Variants in FHIT observed in about 807,000 individuals in gnomAD.
FHIT encodes the protein bis(5'-adenosyl)-triphosphatase.
FHIT carries 19 observed loss-of-function variants against 17.9 expected under a neutral mutation model. The observed-to-expected ratio is 1.06, with a 90% confidence interval of 0.74 to 1.56. The LOEUF is 1.56. FHIT is among the 40% of genes most tolerant of loss of function. FHIT has a pLI of 0.00. For synonymous variants in FHIT, 81 were observed against 69.7 expected (o/e 1.16, Z -0.81); for missense variants, 248 against 189.2 (o/e 1.31, Z -1.82).
chr3:60,548,967 A>C (rs749854497), intron 4 of FHIT, among the ~76,000 whole-genome samples: 7 of 152,200 alleles, frequency 4.6e-5, no homozygotes, highest in Non-Finnish European at 8.8e-5. Flanking sequence ...AACTCAGGCA[A>C]GTTCCTTAGC....
chr3:60,129,052 T>G (rs201222910), intron 5 of FHIT, among the ~76,000 whole-genome samples: 14 of 128,088 alleles, frequency 1.1e-4, no homozygotes, highest in Admixed American at 2.3e-4. Context: ...CTTTTTTGTT[T>G]GTTTTTTTTT....
chr3:59,903,676 C>T (rs975982247), intron 8 of FHIT, among the ~76,000 whole-genome samples: 21 of 152,074 alleles, frequency 1.4e-4, no homozygotes, highest in South Asian at 8.3e-4. Context: ...GAAAAGCCCT[C>T]GAGAAGTTTA....
chr3:60,785,785 T>A (rs1700545056), intron 4 of FHIT, among the ~76,000 whole-genome samples: 1 of 152,074 alleles, frequency 6.6e-6, no homozygotes, highest in African/African-American at 2.4e-5. Context: ...ATATTCTTAG[T>A]AAGAAGATGG....
chr3:60,718,875 C>T lies in FHIT; in HGVS notation c.-18+103044G>A, dbSNP rs144489638. ...TTACACCTCTCCAAGAAGAAAAAAG[C>T]ATGCAGCATTTTTCAAACTTTTGAT... On this transcript the variant is annotated intron_variant, in intron 4 of 9. Transcript: ENST00000492590. Among the ~76,000 whole-genome samples, 64 of 152,314 alleles carry T rather than the reference C, an allele frequency of 4.2e-4. No individual in the cohort carries two copies. The East Asian group carries it at 8.9e-3, about 21-fold the overall frequency.
In FHIT at chr3:60,461,150, A is replaced by G. The variant is rs190610883; in HGVS notation, c.103+75710T>C. Among the ~76,000 whole-genome samples, 67 of 152,318 alleles carry G rather than the reference A, an allele frequency of 4.4e-4. 1 individual carries two copies. In the East Asian group the frequency reaches 9.6e-3, roughly 22 times the overall value. ...CACTGAAAAATAAAATCTTTATTTA[A>G]TCTAATTCTGTAAGTGCCAAAAACT... On this transcript the variant is annotated intron_variant, in intron 5 of 9. Coordinates refer to ENST00000492590, the MANE Select transcript of FHIT (RefSeq NM_002012.4).
intron 2 of FHIT, among the ~76,000 whole-genome samples, chr3:61,116,862 A>G (rs1037217383): frequency 1.9e-4 from 29 of 152,240 alleles, no homozygotes; most frequent in African/African-American, 6.5e-4. Flanking sequence ...TCAAAAATAG[A>G]AAAAAAGCTT....
chr3:60,236,656 C>G (rs976628582), intron 5 of FHIT, among the ~76,000 whole-genome samples: 3 of 151,942 alleles, frequency 2.0e-5, no homozygotes, highest in African/African-American at 2.4e-5. Flanking sequence ...ATGTATCCAT[C>G]TATTAGATGC....
intron 5 of FHIT, among the ~76,000 whole-genome samples, chr3:60,496,554 C>A (rs2034308128): frequency 6.6e-6 from 1 of 152,140 alleles, no homozygotes; most frequent in African/African-American, 2.4e-5. Flanking sequence ...TCAACTGACA[C>A]AAGCACTTAA....
chr3:60,123,150 A>G (rs1705335204), intron 5 of FHIT, among the ~76,000 whole-genome samples: 1 of 152,238 alleles, frequency 6.6e-6, no homozygotes. Flanking sequence ...GAGAGAAAAT[A>G]TAAAAAGAAG....
intron 4 of FHIT, among the ~76,000 whole-genome samples, chr3:60,541,571 G>A (rs1017809484): frequency 6.6e-6 from 1 of 152,200 alleles, no homozygotes; most frequent in Non-Finnish European, 1.5e-5. Flanking sequence ...TGGTTCGGGA[G>A]TGGACACAGG....
intron 5 of FHIT, among the ~76,000 whole-genome samples, chr3:60,106,082 T>G (rs1704396932): frequency 1.3e-5 from 2 of 152,220 alleles, no homozygotes; most frequent in Non-Finnish European, 2.9e-5. Flanking sequence ...GAATCTTTCC[T>G]TTGTCCAGCA....
chr3:60,657,123 T>G (rs574019660), intron 4 of FHIT, among the ~76,000 whole-genome samples: 1 of 152,258 alleles, frequency 6.6e-6, no homozygotes, highest in South Asian at 2.1e-4. Context: ...GGATATGAAA[T>G]GTAGCTCATG....
At chr3:60,359,275 A>ATTTTT (rs1576533605) in intron 5 of FHIT, among the ~76,000 whole-genome samples, 1 of 138,580 alleles carries the variant, frequency 7.2e-6, no homozygotes, top group African/African-American at 2.7e-5. Context: ...ATATGAAAAT[A>ATTTTT]TCTTTTTTTT....
At chr3:60,173,915 A>ATATATATATAT in intron 5 of FHIT, among the ~76,000 whole-genome samples, 3 of 66,432 alleles carry the variant, frequency 4.5e-5, no homozygotes, top group African/African-American at 6.3e-5. Flanking sequence ...ATATATATAT[A>ATATATATATAT]TGTTTTTTTT....
At chr3:60,438,345 C>T (rs978980920) in intron 5 of FHIT, among the ~76,000 whole-genome samples, 2 of 151,948 alleles carry the variant, frequency 1.3e-5, no homozygotes, top group South Asian at 2.1e-4. Context: ...TGCGTCCAGA[C>T]GACCACCCAG....
chr3:60,606,843 C>T (rs1020762947), intron 4 of FHIT, among the ~76,000 whole-genome samples: 1 of 152,242 alleles, frequency 6.6e-6, no homozygotes, highest in South Asian at 2.1e-4. Context: ...AGCCTAGTCC[C>T]TCCTGCCCGC....
At chr3:60,152,487 AC>A (rs1700510096) in intron 5 of FHIT, among the ~76,000 whole-genome samples, 1 of 152,214 alleles carries the variant, frequency 6.6e-6, no homozygotes, top group African/African-American at 2.4e-5. Context: ...GGGTATGAAT[AC>A]CTAAGACATG....
At chr3:61,227,582 A>T (rs2040000707) in intron 1 of FHIT, among the ~76,000 whole-genome samples, 1 of 151,846 alleles carries the variant, frequency 6.6e-6, no homozygotes, top group African/African-American at 2.4e-5. Context: ...GTGACTTATA[A>T]AAAAAAAGAC....
intron 2 of FHIT, among the ~76,000 whole-genome samples, chr3:61,083,500 G>A (rs994110586): frequency 1.6e-4 from 24 of 152,230 alleles, no homozygotes; most frequent in Non-Finnish European, 1.6e-4. Flanking sequence ...TGAGGCAGGA[G>A]AATGGCGTGA....
Sources: gnomAD v4.1 joint callset for allele counts (sites outside exome capture counted in the v4.1 genomes callset) on GRCh38, gnomAD v4.1.1 for gene constraint, MANE v1.5 for transcripts, NCBI Gene and HGNC (gene_info 2026-07-23, HGNC 2026-07-21) for gene names.